The following PDE3B variants were observed in gnomAD, a reference collection of about 807,000 sequenced individuals.
PDE3B encodes the protein phosphodiesterase 3B, also known as cGMP-inhibited 3',5'-cyclic phosphodiesterase 3B.
Under a neutral mutation model 116.8 loss-of-function variants are expected in PDE3B, and 66 were observed. That is an observed-to-expected ratio of 0.56 (90% CI 0.46 to 0.69). The LOEUF (loss-of-function observed/expected upper bound fraction) is 0.69, where lower values mean the gene tolerates loss of function less well. Among genes scored for constraint, PDE3B ranks in the 30% least tolerant of loss-of-function variants. The probability of loss-of-function intolerance (pLI) is 0.00; values close to 1 mark genes in which losing one functional copy is unlikely to be tolerated. For missense variants in PDE3B, 1,384 were observed against 1,368.1 expected (o/e 1.01, Z -0.18); for synonymous variants, 595 against 533.6 (o/e 1.12, Z -1.59).
chr11:14,762,305 G>T lies in PDE3B; in HGVS notation c.979-9632G>T, dbSNP rs1489054557. Among the ~76,000 whole-genome samples, 4 of 152,204 alleles carry T rather than the reference G, an allele frequency of 2.6e-5. No individual in the cohort carries two copies. In the East Asian group the frequency reaches 7.7e-4, roughly 29 times the overall value. On this transcript the variant is annotated intron_variant, in intron 1 of 15. Coordinates refer to ENST00000282096, the MANE Select transcript of PDE3B (RefSeq NM_000922.4). ...TTGACAGGAAAAGAAAAATGAACAA[G>T]AAATTCCTTAATGCATATTTTAAGT...
chr11:14,709,583 C>A (rs1855637810), intron 1 of PDE3B, among the ~76,000 whole-genome samples: 1 of 152,132 alleles, frequency 6.6e-6, no homozygotes, highest in African/African-American at 2.4e-5. Context: ...ACTTGGACCA[C>A]CCTAGTGTGA....
intron 4 of PDE3B, among the ~76,000 whole-genome samples, chr11:14,791,594 A>G (rs1858394875): frequency 6.6e-6 from 1 of 151,972 alleles, no homozygotes; most frequent in South Asian, 2.1e-4. Context: ...CTCCTTTATC[A>G]CTGTGCCTAT....
rs538353860 is a variant in PDE3B at position 14,728,066 on chromosome 11, A to G, written c.979-43871A>G. On this transcript the variant is annotated intron_variant, in intron 1 of 15. Transcript: ENST00000282096. ...ATAGAAAGATCTATCATACATGCTT[A>G]CTTTTCACAGAGTTTATAATATATG... 2.0e-5 allele frequency among the ~76,000 whole-genome samples: 3 copies of G among 152,220 alleles called. No individual in the cohort carries two copies. In the South Asian group the frequency reaches 6.2e-4, roughly 32 times the overall value.
chr11:14,804,070 G>T lies in PDE3B; in HGVS notation c.1522+20G>T. On this transcript the variant is annotated intron_variant, in intron 5 of 15. Transcript: ENST00000282096. ...GAGCTGGTAAGAAATCATTCTTTATGACTCAAATATGGGGGTTCTCAAAGT... is the reference window on the plus strand; with the variant it reads ...GAGCTGGTAAGAAATCATTCTTTATTACTCAAATATGGGGGTTCTCAAAGT... 1 of 1,337,356 alleles carries T rather than the reference G, an allele frequency of 7.5e-7. No homozygotes were observed. The highest frequency in any genetic ancestry group is 1.2e-5 in the South Asian group (1 of 85,014). The allele number at this position is 1,337,356 out of a possible 1,614,324, so 82.8% of individuals were successfully genotyped here.
At position 14,795,451 on chromosome 11, in the gene PDE3B, T is replaced by G. The variant is rs959760306; in HGVS notation, c.1415+6209T>G. On this transcript the variant is annotated intron_variant, in intron 4 of 15. Transcript: ENST00000282096. ...TGTCTTCTGCTTTCTTCGTATTGAT[T>G]TATGTAATTTCATTGAGGTGTGTAT... 7.2e-5 allele frequency among the ~76,000 whole-genome samples: 11 copies of G among 152,234 alleles called. No homozygotes were observed. In the East Asian group the frequency reaches 2.1e-3, roughly 29 times the overall value.
intron 1 of PDE3B, chr11:14,674,578 T>G: frequency 5.9e-6 from 2 of 339,548 alleles, no homozygotes; most frequent in Non-Finnish European, 1.2e-5. Flanking sequence ...TGCTGTCTCC[T>G]CCTTCTCCTA....
Position 14,664,274 on chromosome 11 carries a change from G to T in PDE3B, c.978+19221G>T, listed in dbSNP as rs1013904716. Among the ~76,000 whole-genome samples, 4 of 152,098 alleles carry T rather than the reference G, an allele frequency of 2.6e-5. No individual in the cohort carries two copies. In the East Asian group the frequency reaches 7.7e-4, roughly 29 times the overall value. On this transcript the variant is annotated intron_variant, in intron 1 of 15. Transcript: ENST00000282096. The stretch of plus-strand genomic sequence containing the variant: ...TGGGACACATTCAAAGCAGTGTGTA[G>T]AGGGAAATTTATAGCAGTAAATGCC...
At chr11:14,664,673 G>A (rs551069193) in intron 1 of PDE3B, among the ~76,000 whole-genome samples, 14 of 152,046 alleles carry the variant, frequency 9.2e-5, no homozygotes, top group Non-Finnish European at 1.6e-4. Flanking sequence ...CTAGAAGAAA[G>A]GGATAAATTC....
At chr11:14,806,585 C>T (rs1214173437) in intron 5 of PDE3B, among the ~76,000 whole-genome samples, 5 of 151,762 alleles carry the variant, frequency 3.3e-5, no homozygotes, top group African/African-American at 9.7e-5. Flanking sequence ...TGAGGCCGGG[C>T]GCGGTGGCTC....
At chr11:14,703,210 TC>T (rs1287047773) in intron 1 of PDE3B, among the ~76,000 whole-genome samples, 1 of 151,828 alleles carries the variant, frequency 6.6e-6, no homozygotes, top group Non-Finnish European at 1.5e-5. Flanking sequence ...TTTGGAGGAT[TC>T]CATGGAGTAA....
chr11:14,723,448 T>C (rs140809136), intron 1 of PDE3B, among the ~76,000 whole-genome samples: 1 of 152,284 alleles, frequency 6.6e-6, no homozygotes, highest in African/African-American at 2.4e-5. Flanking sequence ...AGTTCTGAGA[T>C]CCTTTAATAA....
chr11:14,789,757 C>A (rs761290178), intron 4 of PDE3B, among the ~76,000 whole-genome samples: 1 of 151,878 alleles, frequency 6.6e-6, no homozygotes, highest in Non-Finnish European at 1.5e-5. Context: ...TGGAACTGAA[C>A]AATGCTAATC....
At chr11:14,876,070 A>G (rs1848185621), downstream of PDE3B, among the ~76,000 whole-genome samples, 1 of 152,222 alleles carries the variant, frequency 6.6e-6, no homozygotes, top group Non-Finnish European at 1.5e-5. Context: ...ACTTCAGTTC[A>G]CTAAGTTGTT....
rs999996305 is a variant in PDE3B at position 14,871,314 on chromosome 11, C to T, written c.*1654C>T. 8.5e-5 allele frequency: 13 copies of T among 152,106 alleles called. No homozygotes were observed. Among genetic ancestry groups the T allele is most frequent in the Non-Finnish European group, 1.6e-4 (11 of 67,988 alleles). The allele number at this position is 152,106 out of a possible 1,614,324, so 9.4% of individuals were successfully genotyped here. On this transcript the variant is annotated 3_prime_UTR_variant, in exon 16 of 16. Coordinates refer to ENST00000282096, the MANE Select transcript of PDE3B (RefSeq NM_000922.4). Reference sequence around the variant, plus strand: ...CCACTTTTGTTACCATTGTCACACACTATGTGTAAACCAGTCCCACCACTT... The same window carrying T: ...CCACTTTTGTTACCATTGTCACACATTATGTGTAAACCAGTCCCACCACTT...
intron 1 of PDE3B, among the ~76,000 whole-genome samples, chr11:14,747,999 A>T (rs897905381): frequency 4.6e-5 from 7 of 152,358 alleles, no homozygotes; most frequent in African/African-American, 1.7e-4. Context: ...AATTGTGCAT[A>T]TAATAATTTT....
chr11:14,795,774 T>G (rs939148210), intron 4 of PDE3B, among the ~76,000 whole-genome samples: 3 of 152,114 alleles, frequency 2.0e-5, no homozygotes, highest in Non-Finnish European at 4.4e-5. Context: ...CTAGAAGCTT[T>G]TAGAGTGTGT....
rs1469871155 is a variant in PDE3B at position 14,645,014 on chromosome 11, A to T, written c.939A>T (p.Ile313=). 1 of 1,612,918 alleles carries T rather than the reference A, an allele frequency of 6.2e-7. No individual in the cohort carries two copies. The highest frequency in any genetic ancestry group is 8.5e-7 in the Non-Finnish European group (1 of 1,179,676). Residue 313 remains isoleucine (I), a synonymous_variant, in exon 1 of 16, where the codon ATA becomes ATT. Coordinates refer to ENST00000282096, the MANE Select transcript of PDE3B (RefSeq NM_000922.4). The part of the protein sequence containing the change: ...TAASYYGSCK[I]FRRPSLPCIS... Reference sequence around the variant, plus strand: ...CCAGTTACTATGGCAGTTGCAAAATATTCAGGAGACCGTCGTTGCCTTGTA... The same window carrying T: ...CCAGTTACTATGGCAGTTGCAAAATTTTCAGGAGACCGTCGTTGCCTTGTA...
intron 1 of PDE3B, among the ~76,000 whole-genome samples, chr11:14,736,743 A>G (rs1856611182): frequency 6.6e-6 from 1 of 152,200 alleles, no homozygotes; most frequent in South Asian, 2.1e-4. Context: ...GATACATGCC[A>G]TTCTGATTTT....
At chr11:14,715,454 T>G (rs1358167181) in intron 1 of PDE3B, among the ~76,000 whole-genome samples, 1 of 152,132 alleles carries the variant, frequency 6.6e-6, no homozygotes, top group Non-Finnish European at 1.5e-5. Flanking sequence ...GGTTTGTAGT[T>G]CTCCTTGAAG....
Sources: allele counts gnomAD v4.1 joint callset (sites outside exome capture counted in the v4.1 genomes callset), GRCh38; gene constraint gnomAD v4.1.1; transcripts MANE v1.5; gene names NCBI Gene and HGNC (gene_info 2026-07-23, HGNC 2026-07-21).